Variants in EPHB3 observed in about 807,000 individuals in gnomAD.
EPHB3 encodes the protein ephrin type-B receptor 3.
Under a neutral mutation model 100.2 loss-of-function variants are expected in EPHB3, and 33 were observed. That is an observed-to-expected ratio of 0.33 (90% CI 0.25 to 0.44). The LOEUF (loss-of-function observed/expected upper bound fraction) is 0.44, where lower values mean the gene tolerates loss of function less well. Among genes scored for constraint, EPHB3 ranks in the 20% least tolerant of loss-of-function variants. EPHB3 has a pLI of 1.00. For synonymous variants in EPHB3, 526 were observed against 554.7 expected (o/e 0.95, Z 0.73); for missense variants, 1,045 against 1,378.3 (o/e 0.76, Z 3.83).
rs570254245 is a variant in EPHB3, at chr3:184,578,682, T to C, written c.1801+216T>C. On this transcript the variant is annotated intron_variant, in intron 9 of 15. Transcript: ENST00000330394. This position sits in a 1 kb window ranked among gnomAD's most constrained non-coding sequence, Gnocchi z 4.7. ...CCCCAGAAATGACTGAGACGTGACC[T>C]CTCCCCCTAAAGGCAGTTAGTCCTG... is the stretch of plus-strand genomic sequence containing the variant. Among the ~76,000 whole-genome samples, 2 of 151,982 alleles carry C rather than the reference T, an allele frequency of 1.3e-5. No homozygotes were observed. Among genetic ancestry groups the C allele is most frequent in the East Asian group, 3.9e-4 (2 of 5,170 alleles).
rs570720243 is a variant in EPHB3, at chr3:184,565,070, C to T, written c.118+2717C>T. Among the ~76,000 whole-genome samples the T allele has an allele frequency of 1.3e-5, 2 of 152,236 alleles. No homozygotes were observed. The highest frequency in any genetic ancestry group is 1.3e-4 in the Admixed American group (2 of 15,288). On this transcript the variant is annotated intron_variant, in intron 1 of 15. Coordinates refer to ENST00000330394, the MANE Select transcript of EPHB3 (RefSeq NM_004443.4). The surrounding 1 kb of genome is among the most constrained non-coding windows in gnomAD (Gnocchi z 4.8). Reference sequence around the variant, plus strand: ...AGATGCTGTCTAGCACCTGGTTCCTCTTCCCTTCCTGCACACTTGGGGGTC... The same window carrying T: ...AGATGCTGTCTAGCACCTGGTTCCTTTTCCCTTCCTGCACACTTGGGGGTC...
chr3:184,578,589 C>T lies in EPHB3; in HGVS notation c.1801+123C>T, dbSNP rs1714743627. On this transcript the variant is annotated intron_variant, in intron 9 of 15. Coordinates refer to ENST00000330394, the MANE Select transcript of EPHB3 (RefSeq NM_004443.4). The surrounding 1 kb of genome is among the most constrained non-coding windows in gnomAD (Gnocchi z 4.7). ...AACCCTGAATGCCCCCTCCCACTTC[C>T]AGTCAAGTGGCATTTCCTGACCCCT... 2.3e-5 allele frequency: 30 copies of T among 1,279,196 alleles called. No homozygotes were observed. The highest frequency in any genetic ancestry group is 4.0e-5 in the Admixed American group (2 of 49,398). The allele number at this position is 1,279,196 out of a possible 1,614,324, so 79.2% of individuals were successfully genotyped here.
chr3:184,575,447 G>A (rs991473583), intron 3 of EPHB3, among the ~76,000 whole-genome samples: 2 of 152,080 alleles, frequency 1.3e-5, no homozygotes, highest in African/African-American at 4.8e-5. Flanking sequence ...GGAGAGGTGG[G>A]GCATCTCCAC....
At chr3:184,576,045 G>A in intron 4 of EPHB3, 60 bp downstream of exon 4, 1 of 1,534,018 alleles carries the variant, frequency 6.5e-7, no homozygotes, top group South Asian at 1.2e-5. Flanking sequence ...GGGCCAGCCT[G>A]GGAAGCCTAA....
rs571726697 is a variant in EPHB3, at chr3:184,577,670, G to A, written c.1492G>A (p.Ala498Thr). Residue 498 changes from alanine (A) to threonine (T), a missense_variant, in exon 7 of 16, where the codon GCC becomes ACC. This residue lies in a region of EPHB3 where 985 missense variants were observed against 1,331.1 expected (regional missense o/e 0.74). Transcript: ENST00000330394. This position sits in a 1 kb window ranked among gnomAD's most constrained non-coding sequence, Gnocchi z 4.9. ...CCTGGCATTGCAGAGCGAGGGCATC[G>A]CCTCCACAGTGACCAGCCAGATGAA... ...MKYFEKSEGI[A>T]STVTSQMNSV... The A allele has an allele frequency of 1.0e-4, 166 of 1,598,750 alleles. No individual in the cohort carries two copies. The highest frequency in any genetic ancestry group is 8.4e-4 in the Middle Eastern group (5 of 5,970).
intron 1 of EPHB3, among the ~76,000 whole-genome samples, chr3:184,566,565 C>G (rs993841704): frequency 1.3e-5 from 2 of 152,188 alleles, no homozygotes; most frequent in African/African-American, 4.8e-5. Flanking sequence ...TGTGTACAGG[C>G]TGGCACACGT....
At chr3:184,567,317 G>T (rs2108434626) in intron 1 of EPHB3, among the ~76,000 whole-genome samples, 1 of 152,358 alleles carries the variant, frequency 6.6e-6, no homozygotes, top group South Asian at 2.1e-4. Flanking sequence ...GGCTAAGGCT[G>T]CCCCAGCACC....
chr3:184,575,719 G>A, intron 3 of EPHB3, 111 bp from the exon 4 acceptor site: 1 of 1,339,108 alleles, frequency 7.5e-7, no homozygotes, highest in East Asian at 2.7e-5. Flanking sequence ...AGTCTAGGAG[G>A]TGGAGGGGCC....
rs1017299408 is a variant in EPHB3 at position 184,569,196 on chromosome 3, G to C, written c.119-2122G>C. Among the ~76,000 whole-genome samples, 1 of 152,040 alleles carries C rather than the reference G, an allele frequency of 6.6e-6. No homozygotes were observed. The highest frequency in any genetic ancestry group is 1.5e-5 in the Non-Finnish European group (1 of 67,946). ...CCCGGCCTGCTCCGGCGGGCGGACC[G>C]GCGGGCGGACCGGCGGGAGGACTGG... On this transcript the variant is annotated intron_variant, in intron 1 of 15. Coordinates refer to ENST00000330394, the MANE Select transcript of EPHB3 (RefSeq NM_004443.4). This position sits in a 1 kb window ranked among gnomAD's most constrained non-coding sequence, Gnocchi z 5.4.
In EPHB3 at chr3:184,581,254, A is replaced by T. The variant is rs1208298412; in HGVS notation, c.2734A>T (p.Met912Leu). The T allele has an allele frequency of 1.9e-6, 3 of 1,596,618 alleles. No homozygotes were observed. The highest frequency in any genetic ancestry group is 1.7e-4 in the Middle Eastern group (1 of 5,966). ...LKVIASAQSG[M>L]SQPLLDRTVP... is the part of the protein sequence containing the mutation. The stretch of plus-strand genomic sequence containing the variant: ...CAGGTCCTTCTCTTCTTCCCACAGC[A>T]TGTCACAGCCCCTCCTGGACCGCAC... The change falls in exon 15 of 16, where the codon ATG becomes TTG. Residue 912 changes from methionine to leucine, a missense_variant and splice_region_variant. By Grantham distance (15) the Met-to-Leu change is conservative. Around this residue, in one of 2 missense-constraint regions of EPHB3, gnomAD observed 985 missense variants for 1,331.1 expected, o/e 0.74. Transcript: ENST00000330394.
chr3:184,574,528 C>T (rs1256255107), intron 3 of EPHB3, among the ~76,000 whole-genome samples: 5 of 152,230 alleles, frequency 3.3e-5, no homozygotes, highest in Non-Finnish European at 2.9e-5. Context: ...TCCCTCTGCC[C>T]GATTCTCTTC....
rs1263984241 is a variant in EPHB3 at position 184,573,861 on chromosome 3, G to T, written c.856+685G>T. Among the ~76,000 whole-genome samples the T allele has an allele frequency of 5.9e-5, 9 of 152,036 alleles. No individual in the cohort carries two copies. Among genetic ancestry groups the T allele is most frequent in the Non-Finnish European group, 1.0e-4 (7 of 68,014 alleles). On this transcript the variant is annotated intron_variant, in intron 3 of 15. Transcript: ENST00000330394. The surrounding 1 kb of genome is among the most constrained non-coding windows in gnomAD (Gnocchi z 4.5). ...GCCTCCTGAGTAGTTGGGATTACAG[G>T]CATGTGCCACCACACCCAGCTAATT...
intron 1 of EPHB3, among the ~76,000 whole-genome samples, chr3:184,567,837 C>A (rs1249957665): frequency 3.9e-5 from 6 of 152,144 alleles, no homozygotes. Flanking sequence ...TTCAGGAAAT[C>A]TGCACATAGG....
rs2108436365 is a variant in EPHB3, at chr3:184,571,395, C to T, written c.183+13C>T. The T allele has an allele frequency of 2.5e-6, 4 of 1,613,764 alleles. No homozygotes were observed. The East Asian group carries it at 8.9e-5, about 36-fold the overall frequency. ...TCCAGAAAGTGGGGTGAGGCTTTCC[C>T]ATCATTCTCCTGAGTGTTGTTTGCC... On this transcript the variant is annotated intron_variant, in intron 2 of 15. Transcript: ENST00000330394. This position sits in a 1 kb window ranked among gnomAD's most constrained non-coding sequence, Gnocchi z 5.0.
rs749280942 is a variant in EPHB3, at chr3:184,577,224, C to T, written c.1354+41C>T. 1.9e-6 allele frequency: 3 copies of T among 1,570,696 alleles called. No individual in the cohort carries two copies. The highest frequency in any genetic ancestry group is 1.7e-6 in the Non-Finnish European group (2 of 1,155,664). On this transcript the variant is annotated intron_variant, in intron 5 of 15. Coordinates refer to ENST00000330394, the MANE Select transcript of EPHB3 (RefSeq NM_004443.4). The surrounding 1 kb of genome is among the most constrained non-coding windows in gnomAD (Gnocchi z 4.9). ...TGGAGGGTAGGGCCTGGGTCACTTTCTCCTGGATGAGGTGTCCCAGGACCT... is the reference window on the plus strand; with the variant it reads ...TGGAGGGTAGGGCCTGGGTCACTTTTTCCTGGATGAGGTGTCCCAGGACCT...
chr3:184,580,951 GT>G lies in EPHB3; in HGVS notation c.2539-18del. The G allele has an allele frequency of 6.2e-7, 1 of 1,608,210 alleles. No individual in the cohort carries two copies. Among genetic ancestry groups the G allele is most frequent in the Non-Finnish European group, 8.5e-7 (1 of 1,175,416 alleles). On this transcript the variant is annotated intron_variant, in intron 13 of 15. Transcript: ENST00000330394. The stretch of plus-strand genomic sequence containing the variant: ...GGATCATGGCAGTGGCTCACTCAGG[GT>G]TTCCCTGCCTTCGGCCCAGGTCATC...
chr3:184,581,301 C>G lies in EPHB3; in HGVS notation c.2781C>G (p.Phe927Leu). Reference sequence around the variant, plus strand: ...GCACGGTCCCAGATTACACAACCTTCACGACAGTTGGTGATTGGCTGGATG... The same window carrying G: ...GCACGGTCCCAGATTACACAACCTTGACGACAGTTGGTGATTGGCTGGATG... ...LDRTVPDYTTFTTVGDWLDAI... is the reference protein window; with the variant it reads ...LDRTVPDYTTLTTVGDWLDAI... The change falls in exon 15 of 16, where the codon TTC becomes TTG. Residue 927 changes from phenylalanine (F) to leucine (L), a missense_variant. Transcript: ENST00000330394. The G allele has an allele frequency of 6.2e-7, 1 of 1,608,188 alleles. No homozygotes were observed. The highest frequency in any genetic ancestry group is 8.5e-7 in the Non-Finnish European group (1 of 1,176,730).
In EPHB3 at chr3:184,572,307, G is replaced by A. The variant is rs1379544922; in HGVS notation, c.184-197G>A. 2.0e-5 allele frequency among the ~76,000 whole-genome samples: 3 copies of A among 152,156 alleles called. No homozygotes were observed. The highest frequency in any genetic ancestry group is 4.4e-5 in the Non-Finnish European group (3 of 68,040). ...CCATGTTACAGATGGGGAAACTGAG[G>A]CACATGGCGGTTAAGTGACTTACCC... On this transcript the variant is annotated intron_variant, in intron 2 of 15. Transcript: ENST00000330394. The surrounding 1 kb of genome is among the most constrained non-coding windows in gnomAD (Gnocchi z 6.6).
In EPHB3 at chr3:184,572,465, C is replaced by T. The variant is rs953817276; in HGVS notation, c.184-39C>T. 1.3e-6 allele frequency: 2 copies of T among 1,522,944 alleles called. No homozygotes were observed. Among genetic ancestry groups the T allele is most frequent in the Non-Finnish European group, 1.7e-6 (2 of 1,143,138 alleles). 94.3% of individuals were successfully genotyped at this position (1,522,944 alleles called of 1,614,324 possible). On this transcript the variant is annotated intron_variant, in intron 2 of 15. Transcript: ENST00000330394. This position sits in a 1 kb window ranked among gnomAD's most constrained non-coding sequence, Gnocchi z 6.6. ...GCACGAGGGAAGCACTTGGCAAATG[C>T]AGGCATTCACTCTGTCTTTTTCATT...
Sources: gnomAD v4.1 joint callset for allele counts (sites outside exome capture counted in the v4.1 genomes callset) on GRCh38, gnomAD v4.1.1 for gene constraint, gnomAD v4.1.1 regional missense constraint, Gnocchi (gnomAD v3.1) non-coding constraint, MANE v1.5 for transcripts, NCBI Gene and HGNC (gene_info 2026-07-23, HGNC 2026-07-21) for gene names.